Variants in NRXN1 observed in about 807,000 individuals in gnomAD.
The protein encoded by NRXN1 is neurexin-1.
Under a neutral mutation model 150.9 loss-of-function variants are expected in NRXN1, and 39 were observed. The observed-to-expected ratio is 0.26, with a 90% CI of 0.20 to 0.34. The LOEUF (loss-of-function observed/expected upper bound fraction) is 0.34. Ranked by LOEUF, NRXN1 falls within the 10% of genes least tolerant of loss-of-function variation. The probability of loss-of-function intolerance (pLI) is 1.00; values close to 1 mark genes in which losing one functional copy is unlikely to be tolerated. For missense variants in NRXN1, 1,815 were observed against 1,949.9 expected (o/e 0.93, Z 1.30); for synonymous variants, 924 against 757.0 (o/e 1.22, Z -3.62).
At chr2:50,779,852 G>C (rs1378173356) in intron 5 of NRXN1, among the ~76,000 whole-genome samples, 1 of 152,132 alleles carries the variant, frequency 6.6e-6, no homozygotes, top group Non-Finnish European at 1.5e-5. Flanking sequence ...CTTTACAGTA[G>C]AATGATTTAT....
intron 5 of NRXN1, among the ~76,000 whole-genome samples, chr2:50,792,456 C>T (rs1275758350): frequency 1.3e-5 from 2 of 151,998 alleles, no homozygotes; most frequent in Non-Finnish European, 2.9e-5. Flanking sequence ...GAGTTTTAAA[C>T]ATATTATCTA....
Position 49,920,195 on chromosome 2 carries a change from T to G in NRXN1, c.*1749A>C, listed in dbSNP as rs926823660. ...AACTAAAACTATATTTAATGATATA[T>G]ATGTAAAACCAGAAAAGTTAAAACA... On this transcript the variant is annotated 3_prime_UTR_variant, in exon 23 of 23. Coordinates refer to ENST00000401669, the MANE Select transcript of NRXN1 (RefSeq NM_001330078.2). 1 of 152,196 alleles carries G rather than the reference T, an allele frequency of 6.6e-6. No homozygotes were observed. The highest frequency in any genetic ancestry group is 1.5e-5 in the Non-Finnish European group (1 of 68,018). The allele number at this position is 152,196 out of a possible 1,614,324, so 9.4% of individuals were successfully genotyped here.
At chr2:50,986,339 A>G (rs1697701708) in intron 2 of NRXN1, among the ~76,000 whole-genome samples, 1 of 151,770 alleles carries the variant, frequency 6.6e-6, no homozygotes, top group Admixed American at 6.6e-5. Context: ...TCGTAGATGA[A>G]TAAATGTATC....
rs189509087 is a variant in NRXN1, at chr2:50,181,392, A to G, written c.3546+55397T>C. The stretch of plus-strand genomic sequence containing the variant: ...TAGAATATATGAACATGGTCTTATA[A>G]TAGGTTCAGAACCATGGATAGCAGA... On this transcript the variant is annotated intron_variant, in intron 18 of 22. Transcript: ENST00000401669. Among the ~76,000 whole-genome samples the G allele has an allele frequency of 1.5e-3, 228 of 152,240 alleles. 2 individuals are homozygous for G. Among genetic ancestry groups the G allele is most frequent in the Admixed American group, 5.0e-3 (77 of 15,264 alleles).
rs546545635 is a variant in NRXN1 at position 49,925,382 on chromosome 2, A to T, written c.4217-3131T>A. Among the ~76,000 whole-genome samples, 14 of 152,152 alleles carry T rather than the reference A, an allele frequency of 9.2e-5. No individual in the cohort carries two copies. In the South Asian group the frequency reaches 2.9e-3, roughly 32 times the overall value. On this transcript the variant is annotated intron_variant, in intron 22 of 22. Coordinates refer to ENST00000401669, the MANE Select transcript of NRXN1 (RefSeq NM_001330078.2). ...CCAAAGAGATTTAAATATATTCATG[A>T]ATTATAAATGTGGCTTCTCTTATTG...
intron 17 of NRXN1, among the ~76,000 whole-genome samples, chr2:50,416,352 G>C (rs1027693608): frequency 4.0e-5 from 6 of 151,780 alleles, no homozygotes; most frequent in African/African-American, 1.5e-4. Context: ...AGAAAGCTGA[G>C]AAACACTAAT....
Position 50,538,266 on chromosome 2 carries a change from C to T in NRXN1, c.2130G>A (p.Arg710=), listed in dbSNP as rs913118252. 1 of 1,610,526 alleles carries T rather than the reference C, an allele frequency of 6.2e-7. No individual in the cohort carries two copies. The highest frequency in any genetic ancestry group is 8.5e-7 in the Non-Finnish European group (1 of 1,177,208). Residue 710 remains arginine (R), a synonymous_variant, in exon 10 of 23, where the codon AGG becomes AGA. Coordinates refer to ENST00000401669, the MANE Select transcript of NRXN1 (RefSeq NM_001330078.2). ...CDCSGTGYLG[R]SCEREATVLS... ...TTAGAATCCTACCTCTCTCACAGGA[C>T]CTGCCAAGATAGCCTGTTCCGGAAC...
At chr2:50,251,008 G>GTAATAAATTTATTACACATGGCATA (rs1559172216) in intron 17 of NRXN1, among the ~76,000 whole-genome samples, 2 of 93,138 alleles carry the variant, frequency 2.1e-5, no homozygotes. Context: ...CATTGCATAT[G>GTAATAAATTTATTACACATGGCATA]TGTAATATTA....
intron 15 of NRXN1, among the ~76,000 whole-genome samples, chr2:50,475,239 T>C (rs886089104): frequency 1.2e-4 from 19 of 152,086 alleles, no homozygotes; most frequent in Non-Finnish European, 2.4e-4. Flanking sequence ...TATAGAATAC[T>C]ATATATTTAT....
chr2:50,380,157 T>C (rs1260956838), intron 17 of NRXN1, among the ~76,000 whole-genome samples: 2 of 152,104 alleles, frequency 1.3e-5, no homozygotes, highest in African/African-American at 2.4e-5. Flanking sequence ...ATCTTAGACA[T>C]TGGTTTTATG....
intron 5 of NRXN1, among the ~76,000 whole-genome samples, chr2:50,640,457 T>C (rs1683911400): frequency 6.6e-6 from 1 of 152,192 alleles, no homozygotes; most frequent in African/African-American, 2.4e-5. Context: ...GCATATTTTC[T>C]CTTATAAAGG....
At chr2:50,033,878 G>C (rs1202746828) in intron 21 of NRXN1, among the ~76,000 whole-genome samples, 1 of 151,062 alleles carries the variant, frequency 6.6e-6, no homozygotes, top group Non-Finnish European at 1.5e-5. Flanking sequence ...ATTTTAAAAC[G>C]CTCAGCATCA....
intron 17 of NRXN1, among the ~76,000 whole-genome samples, chr2:50,288,408 G>T (rs1159453787): frequency 2.6e-5 from 4 of 152,126 alleles, no homozygotes; most frequent in Admixed American, 6.6e-5. Context: ...TAATGCCACA[G>T]TTGAGAAACT....
chr2:50,460,910 G>A (rs2088135962), intron 17 of NRXN1, among the ~76,000 whole-genome samples: 1 of 151,948 alleles, frequency 6.6e-6, no homozygotes, highest in African/African-American at 2.4e-5. Context: ...ATAGCTACTT[G>A]CTAAATTTTA....
chr2:50,900,867 T>C (rs1682840054), intron 5 of NRXN1, among the ~76,000 whole-genome samples: 1 of 152,042 alleles, frequency 6.6e-6, no homozygotes, highest in South Asian at 2.1e-4. Flanking sequence ...TCACTGGAGG[T>C]AGAAAGGAAG....
At chr2:50,509,870 G>A (rs2092383252) in intron 12 of NRXN1, among the ~76,000 whole-genome samples, 1 of 152,146 alleles carries the variant, frequency 6.6e-6, no homozygotes, top group African/African-American at 2.4e-5. Flanking sequence ...GTGATGGTAT[G>A]AGAAGGTGGG....
chr2:50,118,708 C>T (rs1337625028), intron 18 of NRXN1, among the ~76,000 whole-genome samples: 1 of 152,116 alleles, frequency 6.6e-6, no homozygotes, highest in African/African-American at 2.4e-5. Flanking sequence ...GTACTAGGCT[C>T]AAGAAATCTG....
chr2:50,601,225 C>G (rs917824804), intron 8 of NRXN1, among the ~76,000 whole-genome samples: 1 of 152,112 alleles, frequency 6.6e-6, no homozygotes, highest in African/African-American at 2.4e-5. Flanking sequence ...TATGGAAAAA[C>G]ATGACTACCT....
intron 22 of NRXN1, among the ~76,000 whole-genome samples, chr2:49,938,319 A>T (rs994271910): frequency 6.6e-6 from 1 of 152,244 alleles, no homozygotes; most frequent in East Asian, 1.9e-4. Flanking sequence ...TTTGTAAAGG[A>T]CTAAGAACAA....
Sources: allele counts gnomAD v4.1 joint callset (sites outside exome capture counted in the v4.1 genomes callset), GRCh38; gene constraint gnomAD v4.1.1; transcripts MANE v1.5; gene names NCBI Gene and HGNC (gene_info 2026-07-23, HGNC 2026-07-21).